Variants in TRAPPC9 observed in about 807,000 individuals in gnomAD.
TRAPPC9 encodes IKK2 binding protein.
In TRAPPC9, 83 loss-of-function variants were observed where a neutral mutation model predicts 124.0. The observed-to-expected ratio is 0.67, with a 90% CI of 0.56 to 0.80. The LOEUF is 0.80. TRAPPC9 is among the 30% of genes least tolerant of loss of function. The pLI, the probability that TRAPPC9 is intolerant of heterozygous loss-of-function variation, is 0.00. For missense variants in TRAPPC9, 1,302 were observed against 1,508.3 expected, an observed-to-expected ratio of 0.86 and a Z score of 2.27; for synonymous variants, 638 against 617.5, an observed-to-expected ratio of 1.03 and a Z score of -0.49.
At chr8:140,050,066 C>T (rs1405565398) in intron 17 of TRAPPC9, among the ~76,000 whole-genome samples, 2 of 152,180 alleles carry the variant, frequency 1.3e-5, no homozygotes, top group Non-Finnish European at 2.9e-5. Context: ...CAGGGCTAAG[C>T]CACTGAGTGT....
intron 17 of TRAPPC9, among the ~76,000 whole-genome samples, chr8:140,033,672 T>TG (rs1563706768): frequency 6.9e-4 from 65 of 94,208 alleles, no homozygotes; most frequent in Non-Finnish European, 7.3e-4. Context: ...TTTTTTTTTT[T>TG]TTTTTTTTTT....
chr8:139,898,389 G>C (rs879916581), intron 20 of TRAPPC9, among the ~76,000 whole-genome samples: 46 of 152,188 alleles, frequency 3.0e-4, no homozygotes, highest in Non-Finnish European at 1.3e-4. Context: ...CCACAGAGTT[G>C]GTCACAAGTA....
At chr8:140,074,334 G>A (rs1182027775) in intron 17 of TRAPPC9, among the ~76,000 whole-genome samples, 6 of 152,306 alleles carry the variant, frequency 3.9e-5, no homozygotes, top group Admixed American at 6.5e-5. Context: ...GGTCACAGCC[G>A]TGCTTCACTG....
At chr8:140,414,435 G>C (rs559868281) in intron 5 of TRAPPC9, among the ~76,000 whole-genome samples, 2 of 152,258 alleles carry the variant, frequency 1.3e-5, no homozygotes, top group East Asian at 1.9e-4. Context: ...TTTAGAGGCT[G>C]AGATGGAAGG....
chr8:140,215,903 A>G (rs572627565), intron 17 of TRAPPC9: 2 of 152,352 alleles, frequency 1.3e-5, no homozygotes, highest in Non-Finnish European at 2.9e-5. Flanking sequence ...CCACTCGAGG[A>G]AAGTGGCTGG....
Position 140,372,999 on chromosome 8 carries a change from C to T in TRAPPC9, c.1135-1819G>A, listed in dbSNP as rs1014717090. On this transcript the variant is annotated intron_variant, in intron 7 of 22. Coordinates refer to ENST00000438773, the MANE Select transcript of TRAPPC9 (RefSeq NM_001160372.4). ...CATGCCAGGCCCTCCTCAGCCCCAA[C>T]CTGCTCTGGAAATTCGAGGCCCCAC... Among the ~76,000 whole-genome samples, 5 of 152,230 alleles carry T rather than the reference C, an allele frequency of 3.3e-5. 1 individual carries two copies. In the East Asian group the frequency reaches 9.6e-4, roughly 29 times the overall value.
chr8:139,881,680 T>C (rs1419789418), intron 21 of TRAPPC9, among the ~76,000 whole-genome samples: 1 of 101,400 alleles, frequency 9.9e-6, no homozygotes, highest in African/African-American at 4.8e-5. Flanking sequence ...CATCTCTCTA[T>C]GCCAGAAAAA....
At chr8:139,884,212 C>T (rs1388344408) in intron 21 of TRAPPC9, among the ~76,000 whole-genome samples, 7 of 152,060 alleles carry the variant, frequency 4.6e-5, no homozygotes, top group Non-Finnish European at 7.4e-5. Context: ...AAGGGCAGTT[C>T]GTGCCCTGGG....
At chr8:139,906,214 C>G (rs921432929) in intron 20 of TRAPPC9, among the ~76,000 whole-genome samples, 8 of 152,238 alleles carry the variant, frequency 5.3e-5, no homozygotes, top group African/African-American at 1.9e-4. Flanking sequence ...GATGGCTGAC[C>G]GCCCTGGGCC....
chr8:140,443,465 T>C (rs1315990346), intron 2 of TRAPPC9, among the ~76,000 whole-genome samples: 3 of 151,980 alleles, frequency 2.0e-5, no homozygotes, highest in East Asian at 1.9e-4. Context: ...TTTGTATACT[T>C]AAATAATGGC....
intron 21 of TRAPPC9, among the ~76,000 whole-genome samples, chr8:139,759,676 G>A (rs374496400): frequency 6.6e-6 from 1 of 152,304 alleles, no homozygotes; most frequent in Admixed American, 6.5e-5. Flanking sequence ...AGCCTCCTCT[G>A]GGAAACACGA....
At chr8:139,913,828 T>C (rs1046981679) in intron 19 of TRAPPC9, 2 of 152,288 alleles carry the variant, frequency 1.3e-5, no homozygotes, top group African/African-American at 4.8e-5. Context: ...AGAGGGGCTC[T>C]ACCTAATACC....
At chr8:140,119,097 T>C (rs559614176) in intron 17 of TRAPPC9, among the ~76,000 whole-genome samples, 1 of 152,242 alleles carries the variant, frequency 6.6e-6, no homozygotes, top group African/African-American at 2.4e-5. Context: ...GGCACAACAG[T>C]GTCACAGCAA....
At chr8:140,284,909 G>A (rs1365734983) in intron 13 of TRAPPC9, among the ~76,000 whole-genome samples, 1 of 152,146 alleles carries the variant, frequency 6.6e-6, no homozygotes, top group African/African-American at 2.4e-5. Context: ...GTCTTAAACT[G>A]GCAAACATTC....
At chr8:140,197,924 G>C (rs2062706645) in intron 17 of TRAPPC9, among the ~76,000 whole-genome samples, 1 of 152,144 alleles carries the variant, frequency 6.6e-6, no homozygotes, top group African/African-American at 2.4e-5. Flanking sequence ...AACGAGAGAA[G>C]GCTAGTTTTC....
At chr8:140,175,001 AT>A (rs35949640) in intron 17 of TRAPPC9, among the ~76,000 whole-genome samples, 9,598 of 140,940 alleles carry the variant, frequency 0.068, 308 homozygotes, top group Non-Finnish European at 0.076. Flanking sequence ...GCACCTGGGG[AT>A]TTTTTTTTTT....
At chr8:139,897,487 T>G (rs1830735470) in intron 20 of TRAPPC9, among the ~76,000 whole-genome samples, 1 of 152,110 alleles carries the variant, frequency 6.6e-6, no homozygotes, top group Admixed American at 6.5e-5. Context: ...CTGCTTGTGG[T>G]TCCAAGCCCT....
chr8:139,781,220 G>C (rs999839055), intron 21 of TRAPPC9, among the ~76,000 whole-genome samples: 1 of 152,210 alleles, frequency 6.6e-6, no homozygotes, highest in South Asian at 2.1e-4. Context: ...TGGATGTTTA[G>C]AGAAGTTTTA....
intron 18 of TRAPPC9, among the ~76,000 whole-genome samples, chr8:140,007,832 T>C (rs948834261): frequency 6.6e-6 from 1 of 152,168 alleles, no homozygotes; most frequent in Admixed American, 6.5e-5. Context: ...AAAATATAGA[T>C]CACGTAAAAT....
Sources: allele counts gnomAD v4.1 joint callset (sites outside exome capture counted in the v4.1 genomes callset), GRCh38; gene constraint gnomAD v4.1.1; transcripts MANE v1.5; gene names NCBI Gene and HGNC (gene_info 2026-07-23, HGNC 2026-07-21).